Variants in MDFIC observed in about 807,000 individuals in gnomAD.
MDFIC encodes myoD family inhibitor domain-containing protein.
A neutral mutation model predicts 23.2 loss-of-function variants in MDFIC; 17 were observed. The ratio of observed to expected loss-of-function variants is 0.73; its 90% CI spans 0.50 to 1.10. The LOEUF (loss-of-function observed/expected upper bound fraction) is 1.10, where lower values mean the gene tolerates loss of function less well. MDFIC is among the 50% of genes least tolerant of loss of function. The pLI is 0.00. For missense variants in MDFIC, 356 were observed against 316.6 expected (o/e 1.12, Z -0.95); for synonymous variants, 120 against 115.2 (o/e 1.04, Z -0.27).
intron 4 of MDFIC, among the ~76,000 whole-genome samples, chr7:115,002,146 AAAACAAAC>A (rs149240333): frequency 0.11 from 17,403 of 152,018 alleles, 1,381 homozygotes; most frequent in East Asian, 0.36. Flanking sequence ...CAAAAAACAA[AAAACAAAC>A]AAACAAACAA....
chr7:114,981,918 A>G (rs1402684587), intron 4 of MDFIC, among the ~76,000 whole-genome samples: 1 of 152,256 alleles, frequency 6.6e-6, no homozygotes, highest in African/African-American at 2.4e-5. Context: ...AAACCAAAAC[A>G]AAACAAAAAA....
At chr7:114,927,325 C>CTT (rs10686214) in intron 2 of MDFIC, among the ~76,000 whole-genome samples, 4,428 of 141,618 alleles carry the variant, frequency 0.031, 131 homozygotes, top group African/African-American at 0.072. Flanking sequence ...AAAAACAGTC[C>CTT]TTTTTTTTTT....
At chr7:114,972,839 A>G (rs1793234596) in intron 3 of MDFIC, among the ~76,000 whole-genome samples, 1 of 151,908 alleles carries the variant, frequency 6.6e-6, no homozygotes, top group African/African-American at 2.4e-5. Flanking sequence ...GCTGGTCTCA[A>G]ACTCCTGGGC....
At chr7:114,977,447 G>A (rs956476284) in intron 3 of MDFIC, among the ~76,000 whole-genome samples, 1 of 152,050 alleles carries the variant, frequency 6.6e-6, no homozygotes, top group Non-Finnish European at 1.5e-5. Context: ...GTCCCTCACT[G>A]CTAAAATCAA....
chr7:114,982,897 C>T (rs147290284), intron 4 of MDFIC, among the ~76,000 whole-genome samples: 1 of 152,182 alleles, frequency 6.6e-6, no homozygotes, highest in Admixed American at 6.5e-5. Context: ...TCTCACATGG[C>T]GGAAAGCAGA....
At chr7:114,960,221 A>C (rs1175372090) in intron 3 of MDFIC, among the ~76,000 whole-genome samples, 5 of 152,224 alleles carry the variant, frequency 3.3e-5, no homozygotes, top group Non-Finnish European at 4.4e-5. Context: ...TTAAGTCTCA[A>C]AGTCTCTAGA....
At chr7:114,951,089 G>A (rs1472340303) in intron 3 of MDFIC, among the ~76,000 whole-genome samples, 3 of 152,208 alleles carry the variant, frequency 2.0e-5, no homozygotes, top group African/African-American at 7.2e-5. Flanking sequence ...GGGAGGCTGA[G>A]GTGGGAAGAT....
intron 3 of MDFIC, among the ~76,000 whole-genome samples, chr7:114,968,276 C>G (rs754961659): frequency 1.8e-4 from 27 of 151,996 alleles, no homozygotes; most frequent in Non-Finnish European, 3.4e-4. Flanking sequence ...AAATCATGCT[C>G]CAAAAAATTA....
chr7:114,974,944 A>G (rs898825214), intron 3 of MDFIC, among the ~76,000 whole-genome samples: 1 of 151,752 alleles, frequency 6.6e-6, no homozygotes, highest in South Asian at 2.1e-4. Context: ...ATCTTTACAC[A>G]TATGCTAAGC....
intron 4 of MDFIC, among the ~76,000 whole-genome samples, chr7:115,010,496 A>G (rs779404556): frequency 1.5e-4 from 23 of 152,160 alleles, no homozygotes; most frequent in Non-Finnish European, 3.1e-4. Flanking sequence ...ATATTTCTCT[A>G]TTTAAAAAAA....
At chr7:115,004,328 T>C (rs1362063014) in intron 4 of MDFIC, among the ~76,000 whole-genome samples, 2 of 152,212 alleles carry the variant, frequency 1.3e-5, no homozygotes, top group African/African-American at 4.8e-5. Flanking sequence ...GACTCATGCC[T>C]ATACTCCTAG....
chr7:114,927,434 T>C (rs1792215116), intron 2 of MDFIC, among the ~76,000 whole-genome samples: 1 of 151,162 alleles, frequency 6.6e-6, no homozygotes, highest in African/African-American at 2.4e-5. Flanking sequence ...CTAATAATCC[T>C]CTCTAAGATT....
Position 114,922,629 on chromosome 7 carries a change from A to T in MDFIC, c.-115A>T. The T allele has an allele frequency of 2.3e-6, 3 of 1,280,792 alleles. No homozygotes were observed. Among genetic ancestry groups the T allele is most frequent in the East Asian group, 3.1e-5 (1 of 31,936 alleles). 79.3% of individuals were successfully genotyped at this position (1,280,792 alleles called of 1,614,324 possible). A position where few individuals can be genotyped will look rare whatever the true frequency, so the allele number is the denominator to read the frequency against. On this transcript the variant is annotated 5_prime_UTR_variant, in exon 1 of 5. The change abolishes an upstream ATG in the 5' untranslated region. Coordinates refer to ENST00000393486, the MANE Select transcript of MDFIC (RefSeq NM_001166345.3). ...AGGGGCTTGGAGCGACTACGGGGGG[A>T]TGCGGAGGTAGGTAGTGGTCTCCGG...
At chr7:114,977,031 C>G (rs953081831) in intron 3 of MDFIC, among the ~76,000 whole-genome samples, 1 of 151,720 alleles carries the variant, frequency 6.6e-6, no homozygotes, top group Non-Finnish European at 1.5e-5. Flanking sequence ...TGCTTATAAT[C>G]GCGAACAGAA....
chr7:114,955,731 T>A (rs1398951903), intron 3 of MDFIC, among the ~76,000 whole-genome samples: 1 of 152,248 alleles, frequency 6.6e-6, no homozygotes, highest in Non-Finnish European at 1.5e-5. Flanking sequence ...TTGTTTAAAA[T>A]GTGGATTGAC....
At chr7:114,998,265 C>G (rs1434946956) in intron 4 of MDFIC, among the ~76,000 whole-genome samples, 1 of 152,092 alleles carries the variant, frequency 6.6e-6, no homozygotes, top group East Asian at 1.9e-4. Context: ...AAGTGTTATT[C>G]ATTGAATATA....
chr7:114,985,420 A>G (rs1438706698), intron 4 of MDFIC, among the ~76,000 whole-genome samples: 1 of 152,122 alleles, frequency 6.6e-6, no homozygotes, highest in East Asian at 1.9e-4. Context: ...GGAGTTGAGA[A>G]TAGAGGGAGG....
At chr7:115,005,343 T>A (rs1386035074) in intron 4 of MDFIC, among the ~76,000 whole-genome samples, 1 of 152,188 alleles carries the variant, frequency 6.6e-6, no homozygotes, top group Non-Finnish European at 1.5e-5. Flanking sequence ...TTGAAATACC[T>A]TTGTTTTTGT....
At chr7:114,980,311 C>A (rs1793395704) in intron 4 of MDFIC, among the ~76,000 whole-genome samples, 1 of 152,170 alleles carries the variant, frequency 6.6e-6, no homozygotes, top group African/African-American at 2.4e-5. Flanking sequence ...CGTTGGCCAG[C>A]ACCTGCAACC....
Sources: allele counts gnomAD v4.1 joint callset (sites outside exome capture counted in the v4.1 genomes callset), GRCh38; gene constraint gnomAD v4.1.1; transcripts MANE v1.5; gene names NCBI Gene and HGNC (gene_info 2026-07-23, HGNC 2026-07-21).